Variants in HTR2C observed in about 807,000 individuals in gnomAD.
HTR2C encodes the protein 5-hydroxytryptamine receptor 2C, also known as 5-hydroxytryptamine (serotonin) receptor 2C, G protein-coupled.
In HTR2C, 5 loss-of-function variants were observed where a neutral mutation model predicts 21.0. The ratio of observed to expected loss-of-function variants is 0.24; its 90% CI spans 0.12 to 0.50. The LOEUF (loss-of-function observed/expected upper bound fraction) is 0.50. Ranked by LOEUF, HTR2C falls within the 20% of genes least tolerant of loss-of-function variation. The pLI, the probability that HTR2C is intolerant of heterozygous loss-of-function variation, is 0.98. For synonymous variants in HTR2C, 150 were observed against 145.3 expected (o/e 1.03, Z -0.23); for missense variants, 271 against 371.2 (o/e 0.73, Z 2.22).
At chrX:114,728,998 A>T (rs1297168772) in intron 3 of HTR2C, among the ~76,000 whole-genome samples, 2 of 112,250 alleles carry the variant, frequency 1.8e-5, no homozygotes, top group African/African-American at 6.5e-5. Context: ...AGTATTTGAG[A>T]TAAATTCTTG....
At chrX:114,633,586 A>G (rs1048881147) in intron 2 of HTR2C, among the ~76,000 whole-genome samples, 2 of 111,463 alleles carry the variant, frequency 1.8e-5, no homozygotes. Context: ...TAATTTAGCA[A>G]TATTAATAAA....
At chrX:114,669,603 G>A (rs991641773) in intron 2 of HTR2C, among the ~76,000 whole-genome samples, 1 of 111,758 alleles carries the variant, frequency 8.9e-6, no homozygotes, top group Non-Finnish European at 1.9e-5. Context: ...GCTGAGGCAG[G>A]AAAATCACTT....
At chrX:114,839,830 T>C (rs1424436011) in intron 4 of HTR2C, among the ~76,000 whole-genome samples, 1 of 111,416 alleles carries the variant, frequency 9.0e-6, no homozygotes, top group Non-Finnish European at 1.9e-5. Flanking sequence ...AATTCTTCTC[T>C]GGGAAACTAT....
rs2071259799 is a variant in HTR2C at position 114,891,703 on chromosome X, G to A, written c.551-14886G>A. On this transcript the variant is annotated intron_variant, in intron 5 of 5. Coordinates refer to ENST00000276198, the MANE Select transcript of HTR2C (RefSeq NM_000868.4). ...GAAGAAAGCGAACCACAGAGAGATC[G>A]TTAAATCTAAATATAAATTCATGCT... is the stretch of plus-strand genomic sequence containing the variant. 2.7e-5 allele frequency among the ~76,000 whole-genome samples: 3 copies of A among 110,625 alleles called. No individual in the cohort carries two copies. The South Asian group carries it at 1.2e-3, about 43-fold the overall frequency.
Position 114,668,594 on chromosome X carries a change from G to A in HTR2C, c.-80+54713G>A, listed in dbSNP as rs1285988365. 2.7e-5 allele frequency among the ~76,000 whole-genome samples: 3 copies of A among 111,222 alleles called. No individual in the cohort carries two copies. In the Admixed American group the frequency reaches 2.9e-4, roughly 11 times the overall value. On this transcript the variant is annotated intron_variant, in intron 2 of 5. Transcript: ENST00000276198. ...AGCATAGATGGGGAAGTAAAAATAG[G>A]TATTACAGTATGTGCCCCAATAAGT...
chrX:114,805,324 C>A (rs2070390843), intron 4 of HTR2C, among the ~76,000 whole-genome samples: 1 of 107,850 alleles, frequency 9.3e-6, no homozygotes, highest in Non-Finnish European at 1.9e-5. Flanking sequence ...CTTTTTTCTT[C>A]CTTCACCAGA....
chrX:114,698,991 A>C, intron 2 of HTR2C, among the ~76,000 whole-genome samples: 1 of 111,685 alleles, frequency 9.0e-6, no homozygotes, highest in African/African-American at 3.3e-5. Context: ...CAGCTTTAAA[A>C]TCTGTGTTGC....
chrX:114,899,215 C>T (rs782252294), intron 5 of HTR2C, among the ~76,000 whole-genome samples: 11 of 111,356 alleles, frequency 9.9e-5, no homozygotes, highest in Non-Finnish European at 1.5e-4. Context: ...TATAGGAATG[C>T]GCTATCTCAG....
At chrX:114,725,543 C>G (rs6643893) in intron 2 of HTR2C, among the ~76,000 whole-genome samples, 2,414 of 112,483 alleles carry the variant, frequency 0.021, 76 homozygotes, top group African/African-American at 0.074. Flanking sequence ...ATCCAGCTTT[C>G]TTCCATTGCT....
chrX:114,759,697 T>G (rs1380419100), intron 4 of HTR2C, among the ~76,000 whole-genome samples: 1 of 111,250 alleles, frequency 9.0e-6, no homozygotes, highest in East Asian at 2.8e-4. Flanking sequence ...CTTGAGTTGT[T>G]TTTTTGGATT....
intron 2 of HTR2C, among the ~76,000 whole-genome samples, chrX:114,646,732 C>T (rs1930374161): frequency 8.9e-6 from 1 of 111,942 alleles, no homozygotes; most frequent in Non-Finnish European, 1.9e-5. Context: ...GGGGTCATAT[C>T]TAAAAAATCA....
chrX:114,701,227 C>T (rs1297102102), intron 2 of HTR2C, among the ~76,000 whole-genome samples: 4 of 112,078 alleles, frequency 3.6e-5, no homozygotes, highest in Non-Finnish European at 7.5e-5. Flanking sequence ...CAGCACGCAG[C>T]TGGAGATCTG....
Position 114,776,177 on chromosome X carries a change from A to T in HTR2C, c.349+44570A>T. On this transcript the variant is annotated intron_variant, in intron 4 of 5. Coordinates refer to ENST00000276198, the MANE Select transcript of HTR2C (RefSeq NM_000868.4). ...TGACACATCAAAAGTGCCACCTCTCAGGTCAAAGATAAACACATTTCTTTC... is the reference window on the plus strand; with the variant it reads ...TGACACATCAAAAGTGCCACCTCTCTGGTCAAAGATAAACACATTTCTTTC... 5.5e-6 allele frequency: 3 copies of T among 549,275 alleles called. No homozygotes were observed. In the Admixed American group the frequency reaches 6.8e-5, roughly 12 times the overall value. The allele number at this position is 549,275 out of a possible 1,213,427, so 45.3% of individuals were successfully genotyped here.
chrX:114,683,308 T>C (rs1018444080), intron 2 of HTR2C, among the ~76,000 whole-genome samples: 7 of 111,856 alleles, frequency 6.3e-5, no homozygotes, highest in Non-Finnish European at 1.3e-4. Context: ...CATTATATCA[T>C]CTAGTCATAC....
intron 2 of HTR2C, among the ~76,000 whole-genome samples, chrX:114,659,834 G>C (rs1332357336): frequency 1.8e-5 from 2 of 111,283 alleles, no homozygotes; most frequent in African/African-American, 6.5e-5. Context: ...TCCTCATTTT[G>C]ATCATTTGTT....
chrX:114,823,391 A>G (rs374892908), intron 4 of HTR2C: 20 of 337,709 alleles, frequency 5.9e-5, no homozygotes, highest in Non-Finnish European at 8.8e-5. Context: ...AGAAGCATCA[A>G]TCAATGTCAA....
chrX:114,667,306 C>T (rs1931214126), intron 2 of HTR2C, among the ~76,000 whole-genome samples: 1 of 110,394 alleles, frequency 9.1e-6, no homozygotes, highest in African/African-American at 3.3e-5. Context: ...TATTGTTTCC[C>T]TGAGACATCA....
chrX:114,837,722 C>A (rs2147479221), intron 4 of HTR2C, among the ~76,000 whole-genome samples: 1 of 109,395 alleles, frequency 9.1e-6, no homozygotes, highest in South Asian at 3.9e-4. Flanking sequence ...CACCGATAAA[C>A]AAGAGATCAT....
chrX:114,804,617 C>T (rs1447572082), intron 4 of HTR2C, among the ~76,000 whole-genome samples: 1 of 111,844 alleles, frequency 8.9e-6, no homozygotes, highest in African/African-American at 3.2e-5. Context: ...AATGCTTACA[C>T]CAGAAGACTG....
Sources: gnomAD v4.1 joint callset for allele counts (sites outside exome capture counted in the v4.1 genomes callset) on GRCh38, gnomAD v4.1.1 for gene constraint, MANE v1.5 for transcripts, NCBI Gene and HGNC (gene_info 2026-07-23, HGNC 2026-07-21) for gene names.